Variants in UMODL1 observed in about 807,000 individuals in gnomAD.
The protein encoded by UMODL1 is uromodulin like 1, also known as uromodulin-like 1.
In UMODL1, 128 loss-of-function variants were observed where a neutral mutation model predicts 136.3. That is an observed-to-expected ratio of 0.94 (90% CI 0.81 to 1.09). UMODL1 has a LOEUF of 1.09. Ranked by LOEUF, UMODL1 falls within the 50% of genes least tolerant of loss-of-function variation. UMODL1 has a pLI of 0.00. For missense variants in UMODL1, 1,766 were observed against 1,725.6 expected (o/e 1.02, Z -0.41); for synonymous variants, 721 against 720.0 (o/e 1.00, Z -0.02).
At chr21:42,103,345 A>G (rs2066661243) in intron 8 of UMODL1, 1 of 255,108 alleles carries the variant, frequency 3.9e-6, no homozygotes, top group South Asian at 5.0e-5. Context: ...TTGTGTGTGC[A>G]AGTATGGGTT....
At chr21:42,084,300 G>A in intron 3 of UMODL1, 55 bp downstream of exon 3, 1 of 1,583,538 alleles carries the variant, frequency 6.3e-7, no homozygotes, top group Non-Finnish European at 8.6e-7. Flanking sequence ...GTCTCGGTGA[G>A]GCCTGATCTG....
In UMODL1 at chr21:42,137,540, G is replaced by A. The variant is rs1391880967; in HGVS notation, c.3877G>A (p.Val1293Met). The change falls in exon 22 of 23, where the codon GTG becomes ATG. Residue 1293 changes from valine to methionine, a missense_variant. Transcript: ENST00000408910. ...GGCGGGAACAGCCACCCTTCTGATCGTGCGCTACCAGAGAATGAATGGGAG... is the reference window on the plus strand; with the variant it reads ...GGCGGGAACAGCCACCCTTCTGATCATGCGCTACCAGAGAATGAATGGGAG... Reference protein sequence around the residue: ...LVAGTATLLIVRYQRMNGRYN... With the variant: ...LVAGTATLLIMRYQRMNGRYN... 3.7e-6 allele frequency: 6 copies of A among 1,614,096 alleles called. No homozygotes were observed. Among genetic ancestry groups the A allele is most frequent in the South Asian group, 1.1e-5 (1 of 91,088 alleles).
intron 6 of UMODL1, among the ~76,000 whole-genome samples, chr21:42,094,837 T>TTAAAGAAGGGTTGGG (rs6147520): frequency 0.25 from 37,747 of 152,028 alleles, 4,831 homozygotes; most frequent in South Asian, 0.37. Context: ...TGAAATTTCG[T>TTAAAGAAGGGTTGGG]AGATATGTAA....
chr21:42,085,587 G>A lies in UMODL1; in HGVS notation c.603+175G>A. 3.0e-6 allele frequency: 3 copies of A among 987,144 alleles called. No homozygotes were observed. The highest frequency in any genetic ancestry group is 4.5e-6 in the Non-Finnish European group (3 of 674,098). 61.1% of individuals were successfully genotyped at this position (987,144 alleles called of 1,614,324 possible). Reference sequence around the variant, plus strand: ...TTCTTAAAAAATCAGCTTCAAAGAGGTATGATTTACATGCAACAAAATGCA... The same window carrying A: ...TTCTTAAAAAATCAGCTTCAAAGAGATATGATTTACATGCAACAAAATGCA... On this transcript the variant is annotated intron_variant, in intron 4 of 22. Coordinates refer to ENST00000408910, the MANE Select transcript of UMODL1 (RefSeq NM_001004416.3). The surrounding 1 kb of genome is among the most constrained non-coding windows in gnomAD (Gnocchi z 4.5).
At position 42,085,282 on chromosome 21, in the gene UMODL1, C is replaced by T; in HGVS notation, c.482-9C>T. ...GGGTCCATAATCATCAGTGTTTTCCCTTGTGTAGCTCCAGAGAGGGACCCT... is the reference window on the plus strand; with the variant it reads ...GGGTCCATAATCATCAGTGTTTTCCTTTGTGTAGCTCCAGAGAGGGACCCT... On this transcript the variant is annotated splice_polypyrimidine_tract_variant and intron_variant, in intron 3 of 22. Coordinates refer to ENST00000408910, the MANE Select transcript of UMODL1 (RefSeq NM_001004416.3). The surrounding 1 kb of genome is among the most constrained non-coding windows in gnomAD (Gnocchi z 4.5). The T allele has an allele frequency of 6.2e-7, 1 of 1,613,524 alleles. No homozygotes were observed. Among genetic ancestry groups the T allele is most frequent in the Non-Finnish European group, 8.5e-7 (1 of 1,179,652 alleles).
At chr21:42,089,351 A>T (rs1007286182) in intron 5 of UMODL1, among the ~76,000 whole-genome samples, 3 of 152,154 alleles carry the variant, frequency 2.0e-5, no homozygotes, top group African/African-American at 7.2e-5. Context: ...ATCTCCCTTC[A>T]GATCCGCACA....
At chr21:42,116,222 C>T (rs186669127) in intron 14 of UMODL1, among the ~76,000 whole-genome samples, 5 of 147,500 alleles carry the variant, frequency 3.4e-5, no homozygotes, top group East Asian at 3.9e-4. Flanking sequence ...GTCATGGTGG[C>T]GCATGTTTGT....
chr21:42,134,797 ATT>A (rs968800994), intron 21 of UMODL1, among the ~76,000 whole-genome samples: 1 of 143,282 alleles, frequency 7.0e-6, no homozygotes, highest in Non-Finnish European at 1.5e-5. Context: ...TTTTTTTTAT[ATT>A]TTTTTAGTAG....
At chr21:42,136,116 G>A (rs918441898) in intron 21 of UMODL1, among the ~76,000 whole-genome samples, 2 of 152,106 alleles carry the variant, frequency 1.3e-5, no homozygotes, top group African/African-American at 2.4e-5. Context: ...GGTGGGCAGA[G>A]GGTCACATCT....
In UMODL1 at chr21:42,085,443, C is replaced by A. The variant is rs1285371688; in HGVS notation, c.603+31C>A. The A allele has an allele frequency of 6.8e-6, 11 of 1,613,022 alleles. No individual in the cohort carries two copies. The highest frequency in any genetic ancestry group is 9.3e-6 in the Non-Finnish European group (11 of 1,179,730). On this transcript the variant is annotated intron_variant, in intron 4 of 22. Coordinates refer to ENST00000408910, the MANE Select transcript of UMODL1 (RefSeq NM_001004416.3). This position sits in a 1 kb window ranked among gnomAD's most constrained non-coding sequence, Gnocchi z 4.5. ...TGAGACAGACGGGGGCTGCCTGCAC[C>A]CTCCTTGTGGCAGCTGCTCAGGCAG...
intron 5 of UMODL1, among the ~76,000 whole-genome samples, chr21:42,089,611 A>G (rs1454951661): frequency 6.6e-6 from 1 of 152,198 alleles, no homozygotes; most frequent in Non-Finnish European, 1.5e-5. Context: ...GGGAGGGTCT[A>G]GGGAAGTGTG....
intron 12 of UMODL1, among the ~76,000 whole-genome samples, chr21:42,112,106 C>A (rs2066839987): frequency 6.6e-6 from 1 of 151,326 alleles, no homozygotes; most frequent in Non-Finnish European, 1.5e-5. Flanking sequence ...TGTGATGACA[C>A]CCCCACAACA....
intron 12 of UMODL1, among the ~76,000 whole-genome samples, chr21:42,112,142 C>T (rs1185298401): frequency 6.6e-6 from 1 of 151,022 alleles, no homozygotes; most frequent in Non-Finnish European, 1.5e-5. Context: ...AGTAATGCTG[C>T]ACTCCCATAG....
In UMODL1 at chr21:42,123,170, G is replaced by T. The variant is rs777448121; in HGVS notation, c.3147+20G>T. 8.8e-6 allele frequency: 14 copies of T among 1,597,320 alleles called. No individual in the cohort carries two copies. In the African/African-American group the frequency reaches 1.6e-4, roughly 18 times the overall value. On this transcript the variant is annotated intron_variant, in intron 17 of 22. Coordinates refer to ENST00000408910, the MANE Select transcript of UMODL1 (RefSeq NM_001004416.3). The surrounding 1 kb of genome is among the most constrained non-coding windows in gnomAD (Gnocchi z 4.4). ...CAGAGCGTAAGACCAGGAGAGCCAGGCTCAGGATGTACACTAGGGCGCAAG... is the reference window on the plus strand; with the variant it reads ...CAGAGCGTAAGACCAGGAGAGCCAGTCTCAGGATGTACACTAGGGCGCAAG...
In UMODL1 at chr21:42,085,305, C is replaced by G; in HGVS notation, c.496C>G (p.Pro166Ala). The G allele has an allele frequency of 1.2e-6, 2 of 1,613,972 alleles. No individual in the cohort carries two copies. The highest frequency in any genetic ancestry group is 1.3e-5 in the African/African-American group (1 of 75,012). The change falls in exon 4 of 23, where the codon CCT becomes GCT. Residue 166 changes from proline to alanine, a missense_variant. Coordinates refer to ENST00000408910, the MANE Select transcript of UMODL1 (RefSeq NM_001004416.3). The surrounding 1 kb of genome is among the most constrained non-coding windows in gnomAD (Gnocchi z 4.5). ...CCCTTGTGTAGCTCCAGAGAGGGAC[C>G]CTGTGGGCTCCTGGTACAACGTCAC... ...APAPQAPERD[P>A]VGSWYNVTIL...
chr21:42,094,952 C>A (rs1601204700), intron 6 of UMODL1, among the ~76,000 whole-genome samples: 1 of 152,234 alleles, frequency 6.6e-6, no homozygotes, highest in East Asian at 1.9e-4. Context: ...ATAGTTACCA[C>A]TGGGCCTAAA....
chr21:42,110,978 T>C lies in UMODL1; in HGVS notation c.1756T>C (p.Phe586Leu), dbSNP rs368439551. ...AACAGCAGCCCTCGGCCTAGAGAAC[T>C]TCACCTTGTCACCCAGTCCTGGGTA... ...TGTAALGLEN[F>L]TLSPSPGYPQ... is the part of the protein sequence containing the mutation. Residue 586 changes from phenylalanine (F) to leucine (L), a missense_variant, in exon 11 of 23, where the codon TTC (phenylalanine) becomes CTC (leucine). Phe to Leu is a conservative substitution (Grantham distance 22, BLOSUM62 0). Coordinates refer to ENST00000408910, the MANE Select transcript of UMODL1 (RefSeq NM_001004416.3). 1 of 1,613,008 alleles carries C rather than the reference T, an allele frequency of 6.2e-7. No homozygotes were observed. The highest frequency in any genetic ancestry group is 8.5e-7 in the Non-Finnish European group (1 of 1,179,756).
At chr21:42,098,196 T>C (rs2066580819) in intron 6 of UMODL1, among the ~76,000 whole-genome samples, 1 of 152,156 alleles carries the variant, frequency 6.6e-6, no homozygotes, top group African/African-American at 2.4e-5. Context: ...TCTGACTTTC[T>C]AGTAACCACC....
Position 42,109,677 on chromosome 21 carries a change from C to T in UMODL1, c.1635C>T (p.Ser545=), listed in dbSNP as rs1420706489. The T allele has an allele frequency of 1.2e-6, 2 of 1,604,848 alleles. No homozygotes were observed. The highest frequency in any genetic ancestry group is 1.7e-6 in the Non-Finnish European group (2 of 1,180,002). ...GTACCACCAGGGACGCCACCCCCTC[C>T]CGCGCAGGCCGGGCCTGTGAGGGTA... ...QCRTTRDATP[S]RAGRACEGDL... is the part of the protein sequence containing the mutation. Residue 545 remains serine, a synonymous_variant, in exon 10 of 23, where the codon TCC becomes TCT. Coordinates refer to ENST00000408910, the MANE Select transcript of UMODL1 (RefSeq NM_001004416.3).
Sources: allele counts gnomAD v4.1 joint callset (sites outside exome capture counted in the v4.1 genomes callset), GRCh38; gene constraint gnomAD v4.1.1; non-coding constraint Gnocchi (gnomAD v3.1); transcripts MANE v1.5; gene names NCBI Gene and HGNC (gene_info 2026-07-23, HGNC 2026-07-21).